The following PTCSC3 variants were observed in gnomAD, a reference collection of about 807,000 sequenced individuals.
PTCSC3 encodes papillary thyroid carcinoma susceptibility candidate 3 (non-protein coding).
intron 2 of PTCSC3, among the ~76,000 whole-genome samples, chr14:36,158,956 T>C (rs977377093): frequency 1.3e-5 from 2 of 152,226 alleles, no homozygotes; most frequent in African/African-American, 2.4e-5. Flanking sequence ...ATTCAGGGAT[T>C]CAACTTCTTC....
At chr14:36,152,378 C>T (rs1385624251) in intron 3 of PTCSC3, among the ~76,000 whole-genome samples, 1 of 151,916 alleles carries the variant, frequency 6.6e-6, no homozygotes, top group Non-Finnish European at 1.5e-5. Flanking sequence ...TTGCTTGAGC[C>T]CAGGAATTTG....
At chr14:36,174,243 C>A (rs2139115773) in intron 1 of PTCSC3, among the ~76,000 whole-genome samples, 1 of 152,160 alleles carries the variant, frequency 6.6e-6, no homozygotes, top group South Asian at 2.1e-4. Flanking sequence ...ATATTATCTC[C>A]TTGAAACTCT....
chr14:36,142,006 G>A (rs778550862), intron 3 of PTCSC3, among the ~76,000 whole-genome samples: 11 of 151,998 alleles, frequency 7.2e-5, no homozygotes, highest in Non-Finnish European at 8.8e-5. Flanking sequence ...CAACCTGTAT[G>A]CCTTTTGTCT....
At chr14:36,175,411 G>T (rs1053899877) in intron 1 of PTCSC3, among the ~76,000 whole-genome samples, 1 of 152,112 alleles carries the variant, frequency 6.6e-6, no homozygotes, top group Non-Finnish European at 1.5e-5. Flanking sequence ...GTTAGAGATG[G>T]AAGTTCAGGA....
chr14:36,173,391 G>C (rs1162695256), intron 1 of PTCSC3, among the ~76,000 whole-genome samples: 2 of 152,128 alleles, frequency 1.3e-5, no homozygotes, highest in African/African-American at 2.4e-5. Flanking sequence ...TTGGACAAAG[G>C]AAAAGTAGCT....
chr14:36,148,669 C>G (rs553927144), intron 3 of PTCSC3, among the ~76,000 whole-genome samples: 1 of 152,202 alleles, frequency 6.6e-6, no homozygotes, highest in Admixed American at 6.5e-5. Context: ...TGTTCCTATT[C>G]GGCCATCTTG....
intron 2 of PTCSC3, among the ~76,000 whole-genome samples, chr14:36,161,436 A>T (rs796333280): frequency 2.6e-5 from 4 of 152,148 alleles, no homozygotes; most frequent in African/African-American, 9.6e-5. Context: ...GTTGATGTTG[A>T]TGCTATTTCT....
chr14:36,158,167 G>C (rs1476057165), intron 2 of PTCSC3, among the ~76,000 whole-genome samples: 1 of 152,158 alleles, frequency 6.6e-6, no homozygotes, highest in African/African-American at 2.4e-5. Context: ...AGATGATGGG[G>C]TTTTCTAAAT....
At chr14:36,138,585 G>A (rs1410170861) in intron 3 of PTCSC3, among the ~76,000 whole-genome samples, 1 of 152,136 alleles carries the variant, frequency 6.6e-6, no homozygotes, top group Non-Finnish European at 1.5e-5. Flanking sequence ...ACGAAAAGAT[G>A]TTCAACATCA....
At chr14:36,172,862 G>A (rs79977333) in intron 1 of PTCSC3, among the ~76,000 whole-genome samples, 4,552 of 151,840 alleles carry the variant, frequency 0.03, 171 homozygotes, top group Admixed American at 0.1. Context: ...ATGACATTTG[G>A]TTTTGATTTG....
intron 3 of PTCSC3, among the ~76,000 whole-genome samples, chr14:36,136,914 T>G (rs74044231): frequency 6.6e-6 from 1 of 152,116 alleles, no homozygotes; most frequent in Non-Finnish European, 1.5e-5. Context: ...GAGCACCTAT[T>G]ATGTGGCAGG....
chr14:36,142,386 A>T (rs1282839569), intron 3 of PTCSC3, among the ~76,000 whole-genome samples: 1 of 152,034 alleles, frequency 6.6e-6, no homozygotes, highest in Non-Finnish European at 1.5e-5. Flanking sequence ...ATTTCCTCGT[A>T]TTTTGTTGGA....
intron 1 of PTCSC3, among the ~76,000 whole-genome samples, chr14:36,168,360 A>AATAAAT (rs1296839197): frequency 8.8e-6 from 1 of 113,932 alleles, no homozygotes; most frequent in African/African-American, 4.4e-5. Flanking sequence ...ATTGATTCTG[A>AATAAAT]ATATATATAT....
rs1460199530 is a variant in PTCSC3 at position 36,147,810 on chromosome 14, T to TTGA, written n.322+5991_322+5993dup. Among the ~76,000 whole-genome samples, 3 of 152,030 alleles carry TTGA rather than the reference T, an allele frequency of 2.0e-5. No homozygotes were observed. The East Asian group carries it at 5.8e-4, about 29-fold the overall frequency. On this transcript the variant is annotated intron_variant and non_coding_transcript_variant, in intron 3 of 3. Transcript: ENST00000556013. ...TTGTGGTTTTATCTACTTTTGGTCT[T>TTGA]TGATGATGGTGATGTACAGATGGGT... is the stretch of plus-strand genomic sequence containing the variant.
chr14:36,139,082 G>C (rs1881356375), intron 3 of PTCSC3, among the ~76,000 whole-genome samples: 2 of 144,132 alleles, frequency 1.4e-5, no homozygotes, highest in Admixed American at 1.4e-4. Context: ...CCACCGCACT[G>C]CAGCCTGGGC....
In PTCSC3 at chr14:36,138,607, G is replaced by C. The variant is rs552434460; in HGVS notation, n.323-2251C>G. Among the ~76,000 whole-genome samples the C allele has an allele frequency of 2.1e-3, 326 of 152,220 alleles. 2 individuals are homozygous for C. Among genetic ancestry groups the C allele is most frequent in the African/African-American group, 7.5e-3 (313 of 41,544 alleles). On this transcript the variant is annotated intron_variant and non_coding_transcript_variant, in intron 3 of 3. Coordinates refer to ENST00000556013, the Ensembl canonical transcript of PTCSC3. ...GATGTTCAACATCATTAATCATTAA[G>C]GATATGCAAATTAAACTACCACTAC...
Position 36,169,223 on chromosome 14 carries a change from A to T in PTCSC3, n.172-6540T>A, listed in dbSNP as rs565031063. Among the ~76,000 whole-genome samples the T allele has an allele frequency of 2.1e-4, 32 of 152,208 alleles. No homozygotes were observed. In the East Asian group the frequency reaches 4.1e-3, roughly 19 times the overall value. ...AACATACTGCCTTAAATTTTTTTTTAAATTTTTAAATCTATGGAAAATGTG... is the reference window on the plus strand; with the variant it reads ...AACATACTGCCTTAAATTTTTTTTTTAATTTTTAAATCTATGGAAAATGTG... On this transcript the variant is annotated intron_variant and non_coding_transcript_variant, in intron 1 of 3. Coordinates refer to ENST00000556013, the Ensembl canonical transcript of PTCSC3.
intron 3 of PTCSC3, among the ~76,000 whole-genome samples, chr14:36,142,927 G>A (rs181571200): frequency 1.6e-3 from 242 of 151,406 alleles, no homozygotes; most frequent in African/African-American, 5.5e-3. Flanking sequence ...TTGTTATTGC[G>A]ATAGTTTACT....
At chr14:36,154,098 A>G (rs958868914) in intron 2 of PTCSC3, among the ~76,000 whole-genome samples, 3 of 152,068 alleles carry the variant, frequency 2.0e-5, no homozygotes, top group South Asian at 2.1e-4. Flanking sequence ...TACAATATTA[A>G]GTGAGCGGAG....
Sources: gnomAD v4.1 joint callset for allele counts (sites outside exome capture counted in the v4.1 genomes callset) on GRCh38, gnomAD v4.1.1 for gene constraint, MANE v1.5 for transcripts, NCBI Gene and HGNC (gene_info 2026-07-23, HGNC 2026-07-21) for gene names.